The following RFX3 variants were observed in gnomAD, a reference collection of about 807,000 sequenced individuals.
RFX3 encodes the protein regulatory factor X3.
In RFX3, 14 loss-of-function variants were observed where a neutral mutation model predicts 98.6. That is an observed-to-expected ratio of 0.14 (90% confidence interval 0.09 to 0.22). RFX3 has a LOEUF of 0.22. Ranked by LOEUF, RFX3 falls within the 10% of genes least tolerant of loss-of-function variation. The pLI, the probability that RFX3 is intolerant of heterozygous loss-of-function variation, is 1.00. For synonymous variants in RFX3, 383 were observed against 328.4 expected (o/e 1.17, Z -1.80); for missense variants, 639 against 926.9 (o/e 0.69, Z 4.03).
chr9:3,302,691 C>T (rs991265625), intron 4 of RFX3, among the ~76,000 whole-genome samples: 4 of 151,630 alleles, frequency 2.6e-5, no homozygotes, highest in Non-Finnish European at 4.4e-5. Context: ...ATTGATAATG[C>T]CTTCAAATTT....
At chr9:3,277,202 T>C (rs1825341193) in intron 8 of RFX3, 138 bp downstream of exon 8, 2 of 735,470 alleles carry the variant, frequency 2.7e-6, no homozygotes, top group African/African-American at 1.8e-5. Flanking sequence ...AGGACTGTTA[T>C]ACATATGATG....
intron 16 of RFX3, among the ~76,000 whole-genome samples, chr9:3,227,379 T>C (rs536311437): frequency 1.3e-5 from 2 of 152,312 alleles, no homozygotes; most frequent in South Asian, 4.1e-4. Flanking sequence ...ACAAAGCAAC[T>C]TATAAAAGCA....
chr9:3,405,123 C>G (rs1203528359), intron 1 of RFX3, among the ~76,000 whole-genome samples: 2 of 152,120 alleles, frequency 1.3e-5, no homozygotes, highest in Non-Finnish European at 2.9e-5. Flanking sequence ...CCAAGACATT[C>G]ATTTTTTCCG....
At chr9:3,232,782 G>C (rs891254144) in intron 15 of RFX3, among the ~76,000 whole-genome samples, 2 of 148,100 alleles carry the variant, frequency 1.4e-5, no homozygotes, top group East Asian at 4.1e-4. Context: ...GAGAGAGAGA[G>C]AGAGAGAGAG....
chr9:3,401,605 C>A (rs1342054006), intron 1 of RFX3, among the ~76,000 whole-genome samples: 1 of 152,176 alleles, frequency 6.6e-6, no homozygotes, highest in Non-Finnish European at 1.5e-5. Context: ...TGCAGTTTGT[C>A]AATGATGCAG....
intron 1 of RFX3, among the ~76,000 whole-genome samples, chr9:3,504,462 T>C (rs186571214): frequency 0.029 from 3,502 of 120,604 alleles, 139 homozygotes; most frequent in Admixed American, 0.037. Flanking sequence ...TTATATGCCA[T>C]ATGGTATATA....
At chr9:3,282,498 A>G (rs2131505054) in intron 7 of RFX3, among the ~76,000 whole-genome samples, 1 of 151,876 alleles carries the variant, frequency 6.6e-6, no homozygotes, top group East Asian at 1.9e-4. Flanking sequence ...GCTGCTGGCG[A>G]AAATCAGAGT....
At chr9:3,274,332 C>A (rs1014878349) in intron 9 of RFX3, among the ~76,000 whole-genome samples, 3 of 152,164 alleles carry the variant, frequency 2.0e-5, no homozygotes, top group African/African-American at 7.2e-5. Context: ...CCCAGGAAAT[C>A]CAAAGGATTA....
chr9:3,238,572 T>A (rs1364718151), intron 15 of RFX3, among the ~76,000 whole-genome samples: 1 of 152,204 alleles, frequency 6.6e-6, no homozygotes, highest in East Asian at 1.9e-4. Flanking sequence ...AAAGCCCTTT[T>A]TAGAGAATCA....
At chr9:3,451,684 G>A (rs1185794788) in intron 1 of RFX3, among the ~76,000 whole-genome samples, 1 of 152,164 alleles carries the variant, frequency 6.6e-6, no homozygotes, top group Non-Finnish European at 1.5e-5. Flanking sequence ...GCTGCATATA[G>A]TGACTTCCTT....
intron 1 of RFX3, among the ~76,000 whole-genome samples, chr9:3,429,338 T>C (rs116016696): frequency 0.027 from 4,087 of 150,626 alleles, 199 homozygotes; most frequent in African/African-American, 0.095. Context: ...TAGTTATTCT[T>C]ATGATTAACT....
intron 1 of RFX3, among the ~76,000 whole-genome samples, chr9:3,468,090 T>TA (rs1848471746): frequency 6.6e-6 from 1 of 152,188 alleles, no homozygotes; most frequent in African/African-American, 2.4e-5. Flanking sequence ...CCTCAAGTTT[T>TA]ACAGACATGT....
intron 4 of RFX3, among the ~76,000 whole-genome samples, chr9:3,302,952 G>C (rs1247139149): frequency 1.3e-5 from 2 of 151,708 alleles, no homozygotes; most frequent in East Asian, 3.9e-4. Context: ...ACTGAAAAGA[G>C]TATGTTAGGT....
intron 2 of RFX3, among the ~76,000 whole-genome samples, chr9:3,382,765 A>C (rs1462368884): frequency 2.0e-5 from 3 of 152,134 alleles, no homozygotes; most frequent in Non-Finnish European, 4.4e-5. Flanking sequence ...AGTAATTTTC[A>C]GGACAAGAGT....
chr9:3,394,028 AATAG>A (rs1420449081), intron 2 of RFX3, among the ~76,000 whole-genome samples: 1 of 152,236 alleles, frequency 6.6e-6, no homozygotes, highest in African/African-American at 2.4e-5. Flanking sequence ...GAACATAAGC[AATAG>A]ATTGAAACAT....
chr9:3,434,229 A>G (rs1363042229), intron 1 of RFX3, among the ~76,000 whole-genome samples: 1 of 152,148 alleles, frequency 6.6e-6, no homozygotes, highest in Non-Finnish European at 1.5e-5. Flanking sequence ...GAGTGCCTAG[A>G]TCAGTGTCTG....
At chr9:3,366,672 C>CTTTCT (rs1210075669) in intron 2 of RFX3, among the ~76,000 whole-genome samples, 4 of 112,228 alleles carry the variant, frequency 3.6e-5, no homozygotes, top group Non-Finnish European at 7.5e-5. Context: ...CTTTCTCTTT[C>CTTTCT]TCTTTCTTTC....
chr9:3,450,665 A>G (rs1277370364), intron 1 of RFX3, among the ~76,000 whole-genome samples: 1 of 152,208 alleles, frequency 6.6e-6, no homozygotes, highest in Non-Finnish European at 1.5e-5. Flanking sequence ...ACCTGCTTCA[A>G]ATTACCATGT....
intron 1 of RFX3, among the ~76,000 whole-genome samples, chr9:3,434,011 A>G (rs76961974): frequency 0.027 from 4,072 of 152,224 alleles, 199 homozygotes; most frequent in African/African-American, 0.094. Flanking sequence ...GTGTTTCTCA[A>G]TCTATACTAT....
Sources: allele counts gnomAD v4.1 joint callset (sites outside exome capture counted in the v4.1 genomes callset), GRCh38; gene constraint gnomAD v4.1.1; transcripts MANE v1.5; gene names NCBI Gene and HGNC (gene_info 2026-07-23, HGNC 2026-07-21).